The following ZNF804B variants were observed in gnomAD, a reference collection of about 807,000 sequenced individuals.
ZNF804B encodes zinc finger 804B.
In ZNF804B, 80 loss-of-function variants were observed where a neutral mutation model predicts 101.4. The observed-to-expected ratio is 0.79, with a 90% CI of 0.66 to 0.95. The LOEUF (loss-of-function observed/expected upper bound fraction) is 0.95. ZNF804B is among the 40% of genes least tolerant of loss of function. The pLI is 0.00. For missense variants in ZNF804B, 1,673 were observed against 1,561.9 expected, an observed-to-expected ratio of 1.07 and a Z score of -1.20; for synonymous variants, 622 against 558.8, an observed-to-expected ratio of 1.11 and a Z score of -1.59.
chr7:89,039,510 A>C (rs898829966), intron 1 of ZNF804B, among the ~76,000 whole-genome samples: 1 of 151,978 alleles, frequency 6.6e-6, no homozygotes, highest in Non-Finnish European at 1.5e-5. Context: ...TTACTATTAC[A>C]TGCTACTAAT....
intron 1 of ZNF804B, among the ~76,000 whole-genome samples, chr7:89,085,530 C>T (rs1337783472): frequency 6.6e-6 from 1 of 151,638 alleles, no homozygotes. Context: ...TCCATGGAAC[C>T]GTGGTTAATT....
At chr7:88,955,178 A>T (rs1223788772) in intron 1 of ZNF804B, among the ~76,000 whole-genome samples, 1 of 151,220 alleles carries the variant, frequency 6.6e-6, no homozygotes, top group African/African-American at 2.4e-5. Flanking sequence ...GAGTTTACAT[A>T]ACTACCTGAT....
At chr7:88,806,261 T>C (rs538563015) in intron 1 of ZNF804B, among the ~76,000 whole-genome samples, 5 of 152,298 alleles carry the variant, frequency 3.3e-5, no homozygotes, top group African/African-American at 9.6e-5. Flanking sequence ...ATTAAAATTA[T>C]TTGGATTACC....
chr7:89,092,030 A>T (rs1206524292), intron 1 of ZNF804B, among the ~76,000 whole-genome samples: 1 of 152,186 alleles, frequency 6.6e-6, no homozygotes, highest in Non-Finnish European at 1.5e-5. Flanking sequence ...AAAACACTGT[A>T]GATTAAGTGC....
chr7:89,093,278 G>C (rs139688846), intron 1 of ZNF804B, among the ~76,000 whole-genome samples: 1 of 152,166 alleles, frequency 6.6e-6, no homozygotes, highest in African/African-American at 2.4e-5. Context: ...GTATAGTGCT[G>C]TGTATACTAC....
intron 1 of ZNF804B, among the ~76,000 whole-genome samples, chr7:88,817,150 C>T (rs1790893621): frequency 6.6e-6 from 1 of 152,074 alleles, no homozygotes; most frequent in Admixed American, 6.6e-5. Flanking sequence ...CCAAGTACCG[C>T]ATGTTCTCAT....
intron 1 of ZNF804B, among the ~76,000 whole-genome samples, chr7:88,895,484 A>G (rs1466440445): frequency 6.6e-6 from 1 of 152,218 alleles, no homozygotes; most frequent in East Asian, 1.9e-4. Context: ...GTGTTCATGC[A>G]TGTATTTCCT....
intron 1 of ZNF804B, among the ~76,000 whole-genome samples, chr7:88,964,836 AG>A (rs932308514): frequency 6.6e-6 from 1 of 150,896 alleles, no homozygotes; most frequent in African/African-American, 2.5e-5. Context: ...AAATTTGAAG[AG>A]AGCAGAGCTC....
At position 89,044,719 on chromosome 7, in the gene ZNF804B, C is replaced by G. The variant is rs565287923; in HGVS notation, c.109-173436C>G. Among the ~76,000 whole-genome samples, 15 of 152,240 alleles carry G rather than the reference C, an allele frequency of 9.9e-5. No homozygotes were observed. In the South Asian group the frequency reaches 3.1e-3, roughly 32 times the overall value. On this transcript the variant is annotated intron_variant, in intron 1 of 3. Coordinates refer to ENST00000333190, the MANE Select transcript of ZNF804B (RefSeq NM_181646.5). ...GCCCCTTCCCTAGAGATCTGAGGAA[C>G]TTTGAACTTCAGTTAGATGACTTAG...
intron 1 of ZNF804B, among the ~76,000 whole-genome samples, chr7:89,082,132 T>C (rs1789706478): frequency 6.6e-6 from 1 of 151,736 alleles, no homozygotes; most frequent in Non-Finnish European, 1.5e-5. Flanking sequence ...GTGAAGAACA[T>C]TGGTAAAAGC....
Position 89,333,759 on chromosome 7 carries a change from TGCAGATAAGTGCAAGTGCTGCAGG to T in ZNF804B, c.778_801del (p.Ala260_Arg267del), listed in dbSNP as rs758986998. The stretch of plus-strand genomic sequence containing the variant: ...CACCCATTTATAAAACAAAACAAAC[TGCAGATAAGTGCAAGTGCTGCAGG>T]TTTGCAAATAAAGATACACACCTTA... On this transcript the variant is annotated inframe_deletion, in exon 4 of 4. Transcript: ENST00000333190. The T allele has an allele frequency of 7.1e-5, 115 of 1,613,514 alleles. 3 individuals are homozygous for T. In the South Asian group the frequency reaches 1.1e-3, roughly 15 times the overall value.
At chr7:88,871,778 A>T (rs900262212) in intron 1 of ZNF804B, among the ~76,000 whole-genome samples, 3 of 152,134 alleles carry the variant, frequency 2.0e-5, no homozygotes, top group Admixed American at 6.5e-5. Context: ...AGCCTGACCA[A>T]CATGGAGAAA....
At position 89,218,280 on chromosome 7, in the gene ZNF804B, C is replaced by A; in HGVS notation, c.234C>A (p.Asp78Glu). The A allele has an allele frequency of 6.2e-7, 1 of 1,613,556 alleles. No individual in the cohort carries two copies. Among genetic ancestry groups the A allele is most frequent in the Non-Finnish European group, 8.5e-7 (1 of 1,179,716 alleles). ...QEFDNHINSY[D>E]HAHKQRLKEL... ...TTGACAATCATATTAATTCTTATGACCATGCTCATAAGCAGGTAAGGCAAA... is the reference window on the plus strand; with the variant it reads ...TTGACAATCATATTAATTCTTATGAACATGCTCATAAGCAGGTAAGGCAAA... The change falls in exon 2 of 4, where the codon GAC becomes GAA. Residue 78 changes from aspartate to glutamate, a missense_variant. Asp to Glu is a conservative substitution (Grantham distance 45). Transcript: ENST00000333190.
intron 1 of ZNF804B, among the ~76,000 whole-genome samples, chr7:89,080,088 A>T (rs918739981): frequency 1.4e-4 from 21 of 152,022 alleles, no homozygotes; most frequent in African/African-American, 4.6e-4. Flanking sequence ...TAGTCCTGAA[A>T]TAAGGAAACT....
intron 1 of ZNF804B, among the ~76,000 whole-genome samples, chr7:89,045,924 G>C (rs754283050): frequency 6.6e-6 from 1 of 152,080 alleles, no homozygotes; most frequent in African/African-American, 2.4e-5. Context: ...AGATTTCAGA[G>C]GGACTGGAGG....
intron 1 of ZNF804B, among the ~76,000 whole-genome samples, chr7:88,878,843 CAATT>C (rs1029203463): frequency 1.3e-5 from 2 of 152,000 alleles, no homozygotes; most frequent in African/African-American, 4.8e-5. Context: ...GTGACTTTTC[CAATT>C]AATTTGTTGT....
chr7:89,200,396 T>C (rs1239771034), intron 1 of ZNF804B, among the ~76,000 whole-genome samples: 4 of 152,036 alleles, frequency 2.6e-5, no homozygotes, highest in South Asian at 2.1e-4. Flanking sequence ...ATTCCTGTCC[T>C]GGTTTGTAGA....
At chr7:88,873,856 T>G (rs1455340030) in intron 1 of ZNF804B, among the ~76,000 whole-genome samples, 1 of 152,186 alleles carries the variant, frequency 6.6e-6, no homozygotes, top group Non-Finnish European at 1.5e-5. Context: ...AGTACCACAC[T>G]GTTTTGGTTA....
chr7:89,030,076 G>A (rs142067424), intron 1 of ZNF804B, among the ~76,000 whole-genome samples: 101 of 152,230 alleles, frequency 6.6e-4, no homozygotes, highest in African/African-American at 2.3e-3. Context: ...TGAAGGAGGT[G>A]CAGAAGGAAG....
Sources: allele counts gnomAD v4.1 joint callset (sites outside exome capture counted in the v4.1 genomes callset), GRCh38; gene constraint gnomAD v4.1.1; transcripts MANE v1.5; gene names NCBI Gene and HGNC (gene_info 2026-07-23, HGNC 2026-07-21).